HDAC9: variants seen among roughly 807,000 people sequenced by gnomAD.
HDAC9 encodes the protein MEF-2 interacting transcription repressor (MITR) protein.
Under a neutral mutation model 139.4 loss-of-function variants are expected in HDAC9, and 41 were observed. The observed-to-expected ratio is 0.29, with a 90% confidence interval of 0.23 to 0.38. The LOEUF is 0.38. HDAC9 is among the 10% of genes least tolerant of loss of function. The pLI, the probability that HDAC9 is intolerant of heterozygous loss-of-function variation, is 1.00. For synonymous variants in HDAC9, 517 were observed against 476.2 expected, an observed-to-expected ratio of 1.09 and a Z score of -1.12; for missense variants, 1,147 against 1,297.0, an observed-to-expected ratio of 0.88 and a Z score of 1.78.
intron 17 of HDAC9, among the ~76,000 whole-genome samples, chr7:18,810,270 A>C (rs4001107): frequency 0.29 from 43,326 of 151,750 alleles, 6,490 homozygotes; most frequent in African/African-American, 0.33. Context: ...TATTGAGCTC[A>C]TGTGCATAAT....
chr7:18,652,661 G>A (rs1358282240), intron 11 of HDAC9, among the ~76,000 whole-genome samples: 1 of 151,912 alleles, frequency 6.6e-6, no homozygotes, highest in Non-Finnish European at 1.5e-5. Flanking sequence ...TAATAGAATT[G>A]CACTGATTCA....
At chr7:18,985,253 T>C (rs1167955801) in intron 25 of HDAC9, among the ~76,000 whole-genome samples, 3 of 151,786 alleles carry the variant, frequency 2.0e-5, no homozygotes, top group Non-Finnish European at 4.4e-5. Context: ...CAGAGTGCGA[T>C]GTTCCCCTTC....
chr7:18,210,821 T>A (rs529277954), intron 2 of HDAC9, among the ~76,000 whole-genome samples: 1 of 152,336 alleles, frequency 6.6e-6, no homozygotes, highest in East Asian at 1.9e-4. Context: ...AAGTTCATCA[T>A]TTTAACACTT....
At chr7:18,423,761 C>G (rs1402395411) in intron 1 of HDAC9, among the ~76,000 whole-genome samples, 1 of 152,176 alleles carries the variant, frequency 6.6e-6, no homozygotes, top group South Asian at 2.1e-4. Context: ...AGTGCCAGGC[C>G]TCTTATAGGC....
At chr7:18,630,994 A>G (rs988079883) in intron 7 of HDAC9, among the ~76,000 whole-genome samples, 1 of 152,084 alleles carries the variant, frequency 6.6e-6, no homozygotes, top group Non-Finnish European at 1.5e-5. Flanking sequence ...ATTTTGCTTC[A>G]TAGTCTTAAT....
At chr7:18,268,404 A>G (rs545932565) in intron 2 of HDAC9, among the ~76,000 whole-genome samples, 2 of 152,058 alleles carry the variant, frequency 1.3e-5, no homozygotes, top group Non-Finnish European at 2.9e-5. Flanking sequence ...TTTGAATTTT[A>G]AATTTTACTT....
At chr7:18,790,412 T>G (rs185887531) in intron 16 of HDAC9, among the ~76,000 whole-genome samples, 1 of 58,410 alleles carries the variant, frequency 1.7e-5, no homozygotes, top group African/African-American at 7.0e-5. Context: ...AAAGGGCATG[T>G]GAGGATGTAG....
At chr7:18,724,421 A>T (rs1311519861) in intron 12 of HDAC9, among the ~76,000 whole-genome samples, 2 of 152,210 alleles carry the variant, frequency 1.3e-5, no homozygotes, top group African/African-American at 4.8e-5. Context: ...ATATAAATAC[A>T]GTTTATTATA....
chr7:18,411,817 CTTTTTTTTTTT>C (rs71014326), intron 1 of HDAC9, among the ~76,000 whole-genome samples: 1 of 88,942 alleles, frequency 1.1e-5, no homozygotes, highest in Non-Finnish European at 2.0e-5. Context: ...TTTCAACTTG[CTTTTTTTTTTT>C]TTTTTTTTTT....
chr7:18,901,576 T>C (rs919507020), intron 22 of HDAC9, among the ~76,000 whole-genome samples: 5 of 152,162 alleles, frequency 3.3e-5, no homozygotes, highest in Admixed American at 2.6e-4. Flanking sequence ...TGAATCTCTA[T>C]GATTATGGAG....
At chr7:18,133,257 C>G (rs1161521392) in intron 1 of HDAC9, among the ~76,000 whole-genome samples, 2 of 151,992 alleles carry the variant, frequency 1.3e-5, no homozygotes, top group Non-Finnish European at 2.9e-5. Flanking sequence ...CAGGATTAAT[C>G]ACAAAAAATA....
At chr7:18,762,535 T>C (rs560672034) in intron 15 of HDAC9, among the ~76,000 whole-genome samples, 22 of 152,342 alleles carry the variant, frequency 1.4e-4, no homozygotes, top group African/African-American at 5.3e-4. Context: ...TACAATGTGT[T>C]TTTGCATATA....
chr7:18,646,207 A>G (rs1787348421), intron 9 of HDAC9, among the ~76,000 whole-genome samples: 1 of 152,132 alleles, frequency 6.6e-6, no homozygotes, highest in South Asian at 2.1e-4. Flanking sequence ...TTCTTATGAC[A>G]CATGAATAGG....
intron 21 of HDAC9, among the ~76,000 whole-genome samples, chr7:18,870,900 C>A (rs1293816327): frequency 6.6e-6 from 1 of 152,120 alleles, no homozygotes; most frequent in Non-Finnish European, 1.5e-5. Flanking sequence ...TAGGCTCAAG[C>A]AATTCTCCTG....
At chr7:18,462,255 C>T (rs1793916180) in intron 1 of HDAC9, among the ~76,000 whole-genome samples, 1 of 152,014 alleles carries the variant, frequency 6.6e-6, no homozygotes, top group Non-Finnish European at 1.5e-5. Context: ...TGCACACAGC[C>T]TCTTAGCTTC....
intron 24 of HDAC9, among the ~76,000 whole-genome samples, chr7:18,966,867 G>C (rs1783892173): frequency 6.6e-6 from 1 of 152,100 alleles, no homozygotes; most frequent in Non-Finnish European, 1.5e-5. Flanking sequence ...ATTATACATT[G>C]CAACTTCACT....
intron 2 of HDAC9, among the ~76,000 whole-genome samples, chr7:18,175,054 C>T (rs955720682): frequency 1.3e-5 from 2 of 152,214 alleles, no homozygotes; most frequent in East Asian, 1.9e-4. Context: ...CTATACCCTG[C>T]CCCTAGAGGT....
At chr7:18,265,373 G>A (rs1213230067) in intron 2 of HDAC9, among the ~76,000 whole-genome samples, 7 of 152,086 alleles carry the variant, frequency 4.6e-5, no homozygotes, top group African/African-American at 7.2e-5. Context: ...TTACCTTCAC[G>A]GAATTTCTAG....
chr7:18,727,512 T>G (rs543345834), intron 12 of HDAC9, 68 bp from the exon 13 acceptor site: 2 of 1,309,398 alleles, frequency 1.5e-6, no homozygotes, highest in African/African-American at 1.5e-5. Context: ...TTTGTTGACA[T>G]GTCGCTCAGT....
Sources: allele counts gnomAD v4.1 joint callset (sites outside exome capture counted in the v4.1 genomes callset), GRCh38; gene constraint gnomAD v4.1.1; transcripts MANE v1.5; gene names NCBI Gene and HGNC (gene_info 2026-07-23, HGNC 2026-07-21).